Variants in BTBD1 observed in about 807,000 individuals in gnomAD.
BTBD1 encodes BTB domain containing 1, also known as BTB/POZ domain-containing protein 1.
Under a neutral mutation model 48.0 loss-of-function variants are expected in BTBD1, and 34 were observed. The observed-to-expected ratio is 0.71, with a 90% CI of 0.54 to 0.94. BTBD1 has a LOEUF of 0.94. BTBD1 is among the 40% of genes least tolerant of loss of function. BTBD1 has a pLI of 0.00. For missense variants in BTBD1, 543 were observed against 625.6 expected (o/e 0.87, Z 1.41); for synonymous variants, 261 against 242.1 (o/e 1.08, Z -0.72).
intron 4 of BTBD1, among the ~76,000 whole-genome samples, chr15:83,035,066 G>A (rs569599344): frequency 6.6e-6 from 1 of 152,108 alleles, no homozygotes; most frequent in African/African-American, 2.4e-5. Flanking sequence ...GGCCATGATG[G>A]GTGGATCACC....
At chr15:83,043,669 G>C (rs915014497) in intron 3 of BTBD1, among the ~76,000 whole-genome samples, 4 of 152,182 alleles carry the variant, frequency 2.6e-5, no homozygotes, top group African/African-American at 4.8e-5. Context: ...TTTCCTAACA[G>C]ATTGGATGTG....
chr15:83,045,386 A>T (rs2151308365), intron 3 of BTBD1, among the ~76,000 whole-genome samples: 1 of 152,064 alleles, frequency 6.6e-6, no homozygotes, highest in African/African-American at 2.4e-5. Flanking sequence ...AATCCCAGCT[A>T]CTCGGGATGC....
chr15:83,032,832 G>T (rs2032545541), intron 4 of BTBD1, among the ~76,000 whole-genome samples: 1 of 151,798 alleles, frequency 6.6e-6, no homozygotes, highest in African/African-American at 2.4e-5. Flanking sequence ...TTTAGCCAAG[G>T]GCGGTGGTGG....
intron 3 of BTBD1, among the ~76,000 whole-genome samples, chr15:83,047,698 A>G (rs1433843938): frequency 4.6e-5 from 7 of 152,240 alleles, no homozygotes; most frequent in African/African-American, 1.7e-4. Context: ...AGGGCATGAC[A>G]GAACAACAAG....
intron 5 of BTBD1, among the ~76,000 whole-genome samples, chr15:83,021,478 G>A (rs993860605): frequency 7.9e-5 from 12 of 152,146 alleles, no homozygotes; most frequent in African/African-American, 2.9e-4. Flanking sequence ...ACTGAGGCTG[G>A]GTGTGGTGGC....
intron 5 of BTBD1, among the ~76,000 whole-genome samples, chr15:83,024,516 C>T (rs187100180): frequency 3.7e-4 from 56 of 152,296 alleles, no homozygotes; most frequent in African/African-American, 1.3e-3. Flanking sequence ...TCACCTGTTC[C>T]AGCACTTTCA....
At chr15:83,039,405 C>A (rs1596434590) in intron 4 of BTBD1, among the ~76,000 whole-genome samples, 1 of 152,036 alleles carries the variant, frequency 6.6e-6, no homozygotes. Flanking sequence ...AAAGGGAATT[C>A]GTGTTCACTG....
chr15:83,026,506 A>AT (rs928525143), intron 5 of BTBD1, among the ~76,000 whole-genome samples: 4 of 138,402 alleles, frequency 2.9e-5, no homozygotes, highest in African/African-American at 1.1e-4. Context: ...TATAAACCAG[A>AT]TTTTTTAGTG....
chr15:83,047,691 G>T (rs1268250282), intron 3 of BTBD1, among the ~76,000 whole-genome samples: 1 of 152,154 alleles, frequency 6.6e-6, no homozygotes, highest in South Asian at 2.1e-4. Context: ...AGGCTCTAGG[G>T]CATGACAGAA....
At chr15:83,026,356 AG>A (rs2032406562) in intron 5 of BTBD1, among the ~76,000 whole-genome samples, 1 of 152,112 alleles carries the variant, frequency 6.6e-6, no homozygotes, top group Non-Finnish European at 1.5e-5. Context: ...ACTACTGGCA[AG>A]GAACTAGGGA....
rs1311813091 is a variant in BTBD1 at position 83,050,196 on chromosome 15, T to G, written c.559-18A>C. 6.6e-7 allele frequency: 1 copy of G among 1,523,680 alleles called. No individual in the cohort carries two copies. The highest frequency in any genetic ancestry group is 1.1e-5 in the South Asian group (1 of 88,002). 94.4% of individuals were successfully genotyped at this position (1,523,680 alleles called of 1,614,324 possible). A position where few individuals can be genotyped will look rare whatever the true frequency, so the allele number is the denominator to read the frequency against. On this transcript the variant is annotated intron_variant, in intron 2 of 7. Coordinates refer to ENST00000261721, the MANE Select transcript of BTBD1 (RefSeq NM_025238.4). ...AATCGAGCCTAAACATATAAAGAGA[T>G]AGTTATTTAACTTTCATAGTTATTT... is the stretch of plus-strand genomic sequence containing the variant.
chr15:83,061,484 T>C (rs1397990211), intron 1 of BTBD1: 4 of 152,354 alleles, frequency 2.6e-5, no homozygotes, highest in South Asian at 2.1e-4. Flanking sequence ...TGTCCTTACA[T>C]AGATCTGTCC....
chr15:83,019,806 A>T (rs2032253349), intron 6 of BTBD1, among the ~76,000 whole-genome samples: 1 of 151,388 alleles, frequency 6.6e-6, no homozygotes, highest in African/African-American at 2.4e-5. Context: ...CATGTTGGCC[A>T]GGCTGGTCTC....
chr15:83,026,338 A>G (rs2032406064), intron 5 of BTBD1, among the ~76,000 whole-genome samples: 2 of 152,048 alleles, frequency 1.3e-5, no homozygotes, highest in Admixed American at 6.6e-5. Context: ...ACAAAGGTTT[A>G]GGGGGGCACT....
At chr15:83,020,452 A>C in intron 6 of BTBD1, 1 of 411,486 alleles carries the variant, frequency 2.4e-6, no homozygotes, top group East Asian at 4.0e-5. Context: ...TGGACAAAGA[A>C]GAGCTCCTTA....
intron 2 of BTBD1, among the ~76,000 whole-genome samples, chr15:83,053,516 T>C (rs1273507297): frequency 6.6e-6 from 1 of 152,254 alleles, no homozygotes; most frequent in Non-Finnish European, 1.5e-5. Flanking sequence ...ATTCTGGTCC[T>C]ACTGAACCAG....
At chr15:83,055,793 T>C (rs1596443564) in intron 2 of BTBD1, among the ~76,000 whole-genome samples, 1 of 152,210 alleles carries the variant, frequency 6.6e-6, no homozygotes, top group East Asian at 1.9e-4. Flanking sequence ...TTTCATGCTG[T>C]CATACTCTCA....
At chr15:83,035,212 G>C (rs2032601699) in intron 4 of BTBD1, among the ~76,000 whole-genome samples, 1 of 151,810 alleles carries the variant, frequency 6.6e-6, no homozygotes, top group Non-Finnish European at 1.5e-5. Flanking sequence ...GAGAATCGTT[G>C]GACCCCAGGA....
At chr15:83,048,866 G>C (rs2032928201) in intron 3 of BTBD1, among the ~76,000 whole-genome samples, 3 of 152,284 alleles carry the variant, frequency 2.0e-5, no homozygotes, top group Middle Eastern at 3.4e-3. Flanking sequence ...ACAAGAAAGA[G>C]AATCATTTAC....
Sources: gnomAD v4.1 joint callset for allele counts (sites outside exome capture counted in the v4.1 genomes callset) on GRCh38, gnomAD v4.1.1 for gene constraint, MANE v1.5 for transcripts, NCBI Gene and HGNC (gene_info 2026-07-23, HGNC 2026-07-21) for gene names.